The following CBY1 variants were observed in gnomAD, a reference collection of about 807,000 sequenced individuals.
The protein encoded by CBY1 is chibby 1, beta catenin antagonist.
A neutral mutation model predicts 15.6 loss-of-function variants in CBY1; 10 were observed. The ratio of observed to expected loss-of-function variants is 0.64; its 90% confidence interval spans 0.40 to 1.09. The LOEUF (loss-of-function observed/expected upper bound fraction) is 1.09. Among genes scored for constraint, CBY1 ranks in the 50% least tolerant of loss-of-function variants. The pLI is 0.01. For missense variants in CBY1, 150 were observed against 160.5 expected (o/e 0.93, Z 0.35); for synonymous variants, 61 against 63.5 (o/e 0.96, Z 0.19).
At position 38,661,022 on chromosome 22, in the gene CBY1, A is replaced by AC. The variant is rs1242800318; in HGVS notation, c.-39+4278dup. On this transcript the variant is annotated intron_variant, in intron 1 of 4. Transcript: ENST00000216029. ...TGTTTTGGATGGTGACATAGCATCA[A>AC]CCCCCCTCTGCATCTTGGTCCCCAC... is the stretch of plus-strand genomic sequence containing the variant. Among the ~76,000 whole-genome samples the AC allele has an allele frequency of 5.9e-5, 9 of 151,584 alleles. No individual in the cohort carries two copies. The East Asian group carries it at 9.7e-4, about 16-fold the overall frequency.
chr22:38,659,872 A>AAG (rs1373666474), intron 1 of CBY1, among the ~76,000 whole-genome samples: 1 of 151,486 alleles, frequency 6.6e-6, no homozygotes, highest in Non-Finnish European at 1.5e-5. Flanking sequence ...AAAAAAAAAA[A>AAG]AAAAAAAAAA....
In CBY1 at chr22:38,673,520, A is replaced by G. The variant is rs570699477; in HGVS notation, c.*284A>G. On this transcript the variant is annotated 3_prime_UTR_variant, in exon 5 of 5. Coordinates refer to ENST00000216029, the MANE Select transcript of CBY1 (RefSeq NM_015373.4). ...ATGAGCTTTTTGGTGCTCTCCACAC[A>G]CAAGCTCGCAAACACACATGTCCCA... The G allele has an allele frequency of 9.0e-5, 31 of 343,682 alleles. No individual in the cohort carries two copies. The highest frequency in any genetic ancestry group is 8.6e-4 in the South Asian group (31 of 35,990). The allele number at this position is 343,682 out of a possible 1,614,324, so 21.3% of individuals were successfully genotyped here. A position where few individuals can be genotyped will look rare whatever the true frequency, so the allele number is the denominator to read the frequency against.
chr22:38,662,506 C>A (rs374274673), intron 1 of CBY1, among the ~76,000 whole-genome samples: 1 of 151,230 alleles, frequency 6.6e-6, no homozygotes, highest in African/African-American at 2.4e-5. Flanking sequence ...TTTTGGGGGG[C>A]GGGGGACAGG....
chr22:38,657,736 G>C (rs1475223610), intron 1 of CBY1, among the ~76,000 whole-genome samples: 1 of 152,204 alleles, frequency 6.6e-6, no homozygotes, highest in Non-Finnish European at 1.5e-5. Flanking sequence ...CCAAGGTCTA[G>C]CAGGCAACTG....
chr22:38,660,733 CTTTA>C (rs1275371832), intron 1 of CBY1, among the ~76,000 whole-genome samples: 1 of 151,834 alleles, frequency 6.6e-6, no homozygotes, highest in African/African-American at 2.4e-5. Context: ...GCATTTTCAT[CTTTA>C]TTTATTTATT....
Position 38,670,961 on chromosome 22 carries a change from G to A in CBY1, c.156G>A (p.Leu52=). 6.2e-7 allele frequency: 1 copy of A among 1,614,234 alleles called. No homozygotes were observed. Among genetic ancestry groups the A allele is most frequent in the South Asian group, 1.1e-5 (1 of 91,082 alleles). ...SPTMNLAGQS[L]KFENGQWIAE... is the part of the protein sequence containing the mutation. ...CTATGAACCTGGCAGGGCAAAGCCT[G>A]AAGTTTGAAAATGGCCAGTGGATAG... Residue 52 remains leucine (L), a synonymous_variant, in exon 3 of 5, where the codon CTG becomes CTA. Transcript: ENST00000216029.
intron 1 of CBY1, among the ~76,000 whole-genome samples, chr22:38,666,190 G>A (rs1225586093): frequency 6.9e-6 from 1 of 145,140 alleles, no homozygotes; most frequent in East Asian, 2.0e-4. Context: ...TTACACTTAT[G>A]ATTTGTGGTA....
intron 1 of CBY1, among the ~76,000 whole-genome samples, chr22:38,661,227 G>A (rs185948709): frequency 2.0e-4 from 30 of 152,240 alleles, no homozygotes; most frequent in Non-Finnish European, 1.3e-4. Context: ...AGGCTGGAGC[G>A]CAGTGGTGTG....
chr22:38,659,768 G>A (rs537804480), intron 1 of CBY1, among the ~76,000 whole-genome samples: 10 of 151,488 alleles, frequency 6.6e-5, no homozygotes, highest in Middle Eastern at 6.8e-3. Context: ...AGGCTGAGGC[G>A]GGAGAATGGT....
At chr22:38,657,073 T>A (rs1420755747) in intron 1 of CBY1, 2 of 974,402 alleles carry the variant, frequency 2.1e-6, no homozygotes, top group African/African-American at 1.8e-5. Context: ...TCTGAACTCC[T>A]TGGGGGACAC....
At chr22:38,657,164 G>T (rs111516542) in intron 1 of CBY1, 1 of 953,376 alleles carries the variant, frequency 1.0e-6, no homozygotes. Flanking sequence ...ATATTTTATG[G>T]CCTGTTGCAA....
At chr22:38,661,223 G>C (rs558456981) in intron 1 of CBY1, among the ~76,000 whole-genome samples, 32 of 152,266 alleles carry the variant, frequency 2.1e-4, no homozygotes, top group Admixed American at 9.2e-4. Flanking sequence ...ACCCAGGCTG[G>C]AGCGCAGTGG....
chr22:38,661,712 T>C (rs2092422833), intron 1 of CBY1, among the ~76,000 whole-genome samples: 1 of 152,220 alleles, frequency 6.6e-6, no homozygotes. Context: ...CTGATTGTGA[T>C]GGATTCATAC....
chr22:38,668,073 A>G lies in CBY1; in HGVS notation c.19A>G (p.Thr7Ala). Residue 7 changes from threonine to alanine, a missense_variant, in exon 2 of 5, where the codon ACG (threonine) becomes GCG (alanine). Thr to Ala is a moderately conservative substitution (Grantham distance 58, BLOSUM62 0). Coordinates refer to ENST00000216029, the MANE Select transcript of CBY1 (RefSeq NM_015373.4). Reference protein sequence around the residue: MPFFGNTFSPKKTPPRK... With the variant: MPFFGNAFSPKKTPPRK... Reference sequence around the variant, plus strand: ...GCCAAAGATGCCTTTCTTTGGGAATACGTTCAGTCCGAAGAAGACACCTCC... The same window carrying G: ...GCCAAAGATGCCTTTCTTTGGGAATGCGTTCAGTCCGAAGAAGACACCTCC... 4 of 1,614,012 alleles carry G rather than the reference A, an allele frequency of 2.5e-6. No homozygotes were observed. Among genetic ancestry groups the G allele is most frequent in the Non-Finnish European group, 3.4e-6 (4 of 1,179,954 alleles).
Position 38,668,046 on chromosome 22 carries a change from A to G in CBY1, c.-9A>G. The G allele has an allele frequency of 6.2e-7, 1 of 1,613,524 alleles. No individual in the cohort carries two copies. Among genetic ancestry groups the G allele is most frequent in the Non-Finnish European group, 8.5e-7 (1 of 1,179,542 alleles). On this transcript the variant is annotated 5_prime_UTR_variant, in exon 2 of 5. Coordinates refer to ENST00000216029, the MANE Select transcript of CBY1 (RefSeq NM_015373.4). ...AGGGAGCACTGGCTTTGCTTTCATC[A>G]GGCCAAAGATGCCTTTCTTTGGGAA...
chr22:38,672,133 G>A (rs774059421), intron 4 of CBY1, among the ~76,000 whole-genome samples: 1 of 151,454 alleles, frequency 6.6e-6, no homozygotes, highest in South Asian at 2.1e-4. Flanking sequence ...GTGATGGCAT[G>A]CGCCTATAAT....
Position 38,673,652 on chromosome 22 carries a change from G to T in CBY1, c.*416G>T. ...AGCAGTTCTACAGAGCTCTGTGTTG[G>T]GGTCATGGATGAGCGGCTCTCTTGG... On this transcript the variant is annotated 3_prime_UTR_variant, in exon 5 of 5. Coordinates refer to ENST00000216029, the MANE Select transcript of CBY1 (RefSeq NM_015373.4). 6.0e-6 allele frequency: 1 copy of T among 165,902 alleles called. No individual in the cohort carries two copies. The highest frequency in any genetic ancestry group is 1.3e-5 in the Non-Finnish European group (1 of 75,396). 10.3% of individuals were successfully genotyped at this position (165,902 alleles called of 1,614,324 possible).
chr22:38,656,814 A>T (rs2092398083), intron 1 of CBY1, 64 bp downstream of exon 1: 1 of 152,062 alleles, frequency 6.6e-6, no homozygotes, highest in Non-Finnish European at 1.5e-5. Context: ...GCCCGAGCTG[A>T]GTAGGACGTC....
At chr22:38,666,181 T>TA (rs1333086955) in intron 1 of CBY1, among the ~76,000 whole-genome samples, 2 of 150,796 alleles carry the variant, frequency 1.3e-5, no homozygotes, top group Non-Finnish European at 3.0e-5. Context: ...CATGAAACCT[T>TA]ACACTTATGA....
Sources: allele counts gnomAD v4.1 joint callset (sites outside exome capture counted in the v4.1 genomes callset), GRCh38; gene constraint gnomAD v4.1.1; transcripts MANE v1.5; gene names NCBI Gene and HGNC (gene_info 2026-07-23, HGNC 2026-07-21).